Variants in BDH2 observed in about 807,000 individuals in gnomAD.
BDH2 encodes dehydrogenase/reductase SDR family member 6.
In BDH2, 24 loss-of-function variants were observed where a neutral mutation model predicts 33.2. That is an observed-to-expected ratio of 0.72 (90% CI 0.52 to 1.02). The LOEUF (loss-of-function observed/expected upper bound fraction) is 1.02, where lower values mean the gene tolerates loss of function less well. Ranked by LOEUF, BDH2 falls within the 50% of genes least tolerant of loss-of-function variation. The probability of loss-of-function intolerance (pLI) is 0.00; values close to 1 mark genes in which losing one functional copy is unlikely to be tolerated. For synonymous variants in BDH2, 81 were observed against 101.6 expected (o/e 0.80, Z 1.22); for missense variants, 249 against 301.6 (o/e 0.83, Z 1.29).
At chr4:103,091,038 C>T (rs776852181) in intron 5 of BDH2, 139 bp downstream of exon 5, 8 of 559,460 alleles carry the variant, frequency 1.4e-5, no homozygotes, top group Non-Finnish European at 2.3e-5. Context: ...ATGTGAAATG[C>T]CTTGATATAA....
intron 6 of BDH2, chr4:103,085,811 A>G (rs1747751359): frequency 4.6e-6 from 6 of 1,294,814 alleles, no homozygotes; most frequent in Non-Finnish European, 6.0e-6. Context: ...AGGCCTAGGC[A>G]CTTCTTTACA....
chr4:103,095,043 C>G (rs7668568), intron 3 of BDH2, among the ~76,000 whole-genome samples, 160 bp downstream of exon 3: 28,493 of 152,146 alleles, frequency 0.19, 2,728 homozygotes, highest in Middle Eastern at 0.3. Flanking sequence ...AGATTTTTGT[C>G]TATAGGTTCA....
intron 1 of BDH2, among the ~76,000 whole-genome samples, chr4:103,096,531 AT>A (rs70941651): frequency 0.15 from 16,678 of 114,084 alleles, 861 homozygotes; most frequent in South Asian, 0.24. Context: ...GACATTGGCC[AT>A]TTTTTTTTTT....
intron 3 of BDH2, among the ~76,000 whole-genome samples, chr4:103,094,303 T>C (rs921414893): frequency 2.0e-5 from 3 of 152,170 alleles, no homozygotes; most frequent in African/African-American, 7.2e-5. Context: ...TATTGAGACG[T>C]TGGTCAAAGG....
intron 2 of BDH2, among the ~76,000 whole-genome samples, chr4:103,095,535 G>C (rs182593404): frequency 1.1e-4 from 17 of 152,058 alleles, no homozygotes; most frequent in Non-Finnish European, 1.0e-4. Context: ...ACAAAATAAC[G>C]TTCTTAAAAA....
At chr4:103,082,654 T>G (rs1287294688) in intron 8 of BDH2, among the ~76,000 whole-genome samples, 1 of 152,116 alleles carries the variant, frequency 6.6e-6, no homozygotes. Flanking sequence ...ACTCCTGGGC[T>G]CAAGCGATCC....
chr4:103,083,178 A>G (rs556319590), intron 7 of BDH2, among the ~76,000 whole-genome samples: 25 of 152,372 alleles, frequency 1.6e-4, no homozygotes, highest in Admixed American at 1.6e-3. Context: ...TGAATCACCC[A>G]GCATTCTCAA....
At chr4:103,084,286 C>G (rs1365624505) in intron 7 of BDH2, among the ~76,000 whole-genome samples, 1 of 152,156 alleles carries the variant, frequency 6.6e-6, no homozygotes, top group African/African-American at 2.4e-5. Flanking sequence ...CAAGCCCATG[C>G]CTTTAGAGTA....
chr4:103,082,570 T>A (rs1747575726), intron 8 of BDH2, among the ~76,000 whole-genome samples: 1 of 152,166 alleles, frequency 6.6e-6, no homozygotes, highest in South Asian at 2.1e-4. Context: ...TTATTTTTTC[T>A]TAGAGACAGA....
intron 7 of BDH2, among the ~76,000 whole-genome samples, chr4:103,084,119 C>T (rs1242348878): frequency 6.6e-6 from 1 of 152,140 alleles, no homozygotes; most frequent in Admixed American, 6.5e-5. Context: ...CAATAGCCTC[C>T]TTAAAGTCCA....
intron 2 of BDH2, among the ~76,000 whole-genome samples, chr4:103,095,857 A>G (rs1284017466): frequency 6.6e-6 from 1 of 152,218 alleles, no homozygotes; most frequent in Non-Finnish European, 1.5e-5. Flanking sequence ...AAACTGACAC[A>G]ATTTCAGAAA....
At chr4:103,098,218 GGA>G (rs1409893629) in intron 1 of BDH2, among the ~76,000 whole-genome samples, 1 of 152,222 alleles carries the variant, frequency 6.6e-6, no homozygotes, top group African/African-American at 2.4e-5. Flanking sequence ...TAGCAGGGAT[GGA>G]GAGATAGGTG....
In BDH2 at chr4:103,082,934, A is replaced by T; in HGVS notation, c.533-5T>A. The T allele has an allele frequency of 1.9e-6, 3 of 1,611,432 alleles. No homozygotes were observed. The highest frequency in any genetic ancestry group is 2.5e-6 in the Non-Finnish European group (3 of 1,177,702). On this transcript the variant is annotated splice_region_variant and splice_polypyrimidine_tract_variant and intron_variant, in intron 7 of 9. Coordinates refer to ENST00000296424, the MANE Select transcript of BDH2 (RefSeq NM_020139.4). ...GAGATGGCGTATCAACTGTTCCTAA[A>T]TCAAAGGGGGATATTCAGCTTGGTT... is the stretch of plus-strand genomic sequence containing the variant.
chr4:103,098,362 G>A (rs773846088), intron 1 of BDH2, among the ~76,000 whole-genome samples: 1 of 152,212 alleles, frequency 6.6e-6, no homozygotes, highest in Non-Finnish European at 1.5e-5. Context: ...GCAGGTCCAA[G>A]GGAAGATCTC....
At position 103,093,137 on chromosome 4, in the gene BDH2, A is replaced by G. The variant is rs139137660; in HGVS notation, c.152-441T>C. Among the ~76,000 whole-genome samples, 1,152 of 152,264 alleles carry G rather than the reference A, an allele frequency of 7.6e-3. 14 individuals carry two copies. The highest frequency in any genetic ancestry group is 0.026 in the African/African-American group (1,074 of 41,556). On this transcript the variant is annotated intron_variant, in intron 3 of 9. Coordinates refer to ENST00000296424, the MANE Select transcript of BDH2 (RefSeq NM_020139.4). ...GGTATAATTGAGAAATAAAAATTGC[A>G]TATATTCAAGATGTCCTTCCCCTAT...
intron 4 of BDH2, chr4:103,091,876 A>G: frequency 2.4e-6 from 1 of 421,760 alleles, no homozygotes; most frequent in Non-Finnish European, 4.7e-6. Flanking sequence ...AAGGAAAACA[A>G]GTGTCTGAAC....
At chr4:103,089,382 A>G (rs1478559147) in intron 5 of BDH2, among the ~76,000 whole-genome samples, 2 of 152,240 alleles carry the variant, frequency 1.3e-5, no homozygotes, top group East Asian at 1.9e-4. Context: ...GATAGAGTCC[A>G]AGACCAGGAT....
intron 9 of BDH2, among the ~76,000 whole-genome samples, chr4:103,080,251 CTAAA>C (rs1343737056): frequency 7.2e-5 from 11 of 152,202 alleles, no homozygotes; most frequent in African/African-American, 2.6e-4. Flanking sequence ...CTGAAGCACA[CTAAA>C]TGTGTTTTAA....
intron 5 of BDH2, among the ~76,000 whole-genome samples, chr4:103,089,756 A>G (rs1390439485): frequency 6.6e-6 from 1 of 152,184 alleles, no homozygotes; most frequent in African/African-American, 2.4e-5. Context: ...ACCTATGCAA[A>G]GGATCTGTCT....
Sources: gnomAD v4.1 joint callset for allele counts (sites outside exome capture counted in the v4.1 genomes callset) on GRCh38, gnomAD v4.1.1 for gene constraint, MANE v1.5 for transcripts, NCBI Gene and HGNC (gene_info 2026-07-23, HGNC 2026-07-21) for gene names.